The following CACNA1C variants were observed in gnomAD, a reference collection of about 807,000 sequenced individuals.
The protein encoded by CACNA1C is voltage-dependent L-type calcium channel subunit alpha-1C.
A neutral mutation model predicts 229.0 loss-of-function variants in CACNA1C; 30 were observed. That is an observed-to-expected ratio of 0.13 (90% confidence interval 0.10 to 0.18). The LOEUF (loss-of-function observed/expected upper bound fraction) is 0.18. Ranked by LOEUF, CACNA1C falls within the 10% of genes least tolerant of loss-of-function variation. The pLI is 1.00. For missense variants in CACNA1C, 1,658 were observed against 2,845.0 expected (o/e 0.58, Z 9.49); for synonymous variants, 1,114 against 1,132.5 (o/e 0.98, Z 0.33).
At chr12:2,298,548 C>T (rs967883590) in intron 3 of CACNA1C, among the ~76,000 whole-genome samples, 12 of 152,124 alleles carry the variant, frequency 7.9e-5, no homozygotes, top group African/African-American at 1.9e-4. Flanking sequence ...CTGCCCGCCT[C>T]GGCCTCCCAG....
At chr12:2,068,946 C>CA (rs1228943057) in intron 1 of CACNA1C, among the ~76,000 whole-genome samples, 2 of 152,242 alleles carry the variant, frequency 1.3e-5, no homozygotes, top group Admixed American at 6.5e-5. Context: ...GGAATGAACT[C>CA]AGAGTCCAGA....
At chr12:2,350,680 C>T (rs1339678539) in intron 3 of CACNA1C, among the ~76,000 whole-genome samples, 1 of 152,244 alleles carries the variant, frequency 6.6e-6, no homozygotes, top group Non-Finnish European at 1.5e-5. Flanking sequence ...CAGAGGCTGT[C>T]TTCAGGCTCG....
intron 3 of CACNA1C, among the ~76,000 whole-genome samples, chr12:2,359,827 G>A (rs2097505401): frequency 6.6e-6 from 1 of 152,096 alleles, no homozygotes; most frequent in Non-Finnish European, 1.5e-5. Context: ...CTTAAAGTGG[G>A]AGGTAGGGGA....
Position 2,486,432 on chromosome 12 carries a change from T to A in CACNA1C, c.916+170T>A, listed in dbSNP as rs887367598. On this transcript the variant is annotated intron_variant, in intron 6 of 46. Coordinates refer to ENST00000399655, the MANE Select transcript of CACNA1C (RefSeq NM_000719.7). This position sits in a 1 kb window ranked among gnomAD's most constrained non-coding sequence, Gnocchi z 4.9. ...GAGGCAGAGACCCGTATCCTTTTTTTCTCAGTTCCAATTTTTGTTTTAATC... is the reference window on the plus strand; with the variant it reads ...GAGGCAGAGACCCGTATCCTTTTTTACTCAGTTCCAATTTTTGTTTTAATC... Among the ~76,000 whole-genome samples the A allele has an allele frequency of 6.6e-6, 1 of 152,218 alleles. No individual in the cohort carries two copies. Among genetic ancestry groups the A allele is most frequent in the Non-Finnish European group, 1.5e-5 (1 of 68,042 alleles).
intron 7 of CACNA1C, among the ~76,000 whole-genome samples, chr12:2,496,345 G>C (rs2099746803): frequency 6.6e-6 from 1 of 152,198 alleles, no homozygotes. Flanking sequence ...CAGGCACAAG[G>C]GCAAGTCTAA....
chr12:2,305,538 C>T (rs1238196441), intron 3 of CACNA1C, among the ~76,000 whole-genome samples: 1 of 152,176 alleles, frequency 6.6e-6, no homozygotes, highest in African/African-American at 2.4e-5. Flanking sequence ...ATTTCTTCCC[C>T]ACCCCTCAAA....
chr12:2,688,070 G>T (rs1221078844), intron 45 of CACNA1C, among the ~76,000 whole-genome samples: 1 of 152,190 alleles, frequency 6.6e-6, no homozygotes, highest in Non-Finnish European at 1.5e-5. Context: ...TCGTTTTCTG[G>T]CTTTACAGAC....
At chr12:2,182,837 G>A (rs1057435313) in intron 3 of CACNA1C, among the ~76,000 whole-genome samples, 5 of 152,104 alleles carry the variant, frequency 3.3e-5, no homozygotes, top group South Asian at 2.1e-4. Flanking sequence ...GAAGGGGCGC[G>A]TGTGCAGACA....
intron 3 of CACNA1C, among the ~76,000 whole-genome samples, chr12:2,381,990 C>A (rs1194177940): frequency 6.6e-6 from 1 of 152,218 alleles, no homozygotes; most frequent in African/African-American, 2.4e-5. Context: ...GTGCTGCCTC[C>A]AGCCTGGGGC....
At chr12:2,101,291 C>A (rs944955768) in intron 1 of CACNA1C, among the ~76,000 whole-genome samples, 8 of 152,138 alleles carry the variant, frequency 5.3e-5, no homozygotes, top group African/African-American at 1.9e-4. Context: ...TGGATTAGTT[C>A]TCTCAGGGTA....
chr12:2,577,268 C>T (rs1259741155), intron 13 of CACNA1C, among the ~76,000 whole-genome samples: 3 of 152,224 alleles, frequency 2.0e-5, no homozygotes. Context: ...AGGTGTTTTT[C>T]ATGTAGACAG....
At position 2,691,810 on chromosome 12, in the gene CACNA1C, G is replaced by A. The variant is rs1041174821; in HGVS notation, c.*611G>A. On this transcript the variant is annotated 3_prime_UTR_variant, in exon 47 of 47. Coordinates refer to ENST00000399655, the MANE Select transcript of CACNA1C (RefSeq NM_000719.7). ...CCGGCACGGGCCACGCCGAGCTCCCGGCCAGCCGCCGGCCCGCAGGCAGCG... is the reference window on the plus strand; with the variant it reads ...CCGGCACGGGCCACGCCGAGCTCCCAGCCAGCCGCCGGCCCGCAGGCAGCG... 6.6e-6 allele frequency: 1 copy of A among 152,270 alleles called. No homozygotes were observed. Among genetic ancestry groups the A allele is most frequent in the African/African-American group, 2.4e-5 (1 of 41,452 alleles). The allele number at this position is 152,270 out of a possible 1,614,324, so 9.4% of individuals were successfully genotyped here.
intron 10 of CACNA1C, among the ~76,000 whole-genome samples, chr12:2,551,768 T>A (rs1301218090): frequency 1.3e-5 from 2 of 152,134 alleles, no homozygotes; most frequent in Non-Finnish European, 2.9e-5. Context: ...AGGAAGGAAC[T>A]ACGGCATGTT....
At chr12:2,115,145 A>G in intron 1 of CACNA1C, 79 bp from the exon 2 acceptor site, 1 of 1,154,980 alleles carries the variant, frequency 8.7e-7, no homozygotes, top group African/African-American at 1.6e-5. Context: ...AAAAATTGTG[A>G]ATCTGGGGTC....
chr12:2,228,757 A>C (rs763296577), intron 3 of CACNA1C, among the ~76,000 whole-genome samples: 1 of 152,150 alleles, frequency 6.6e-6, no homozygotes, highest in Non-Finnish European at 1.5e-5. Flanking sequence ...CCTGGCATGA[A>C]CAGTGCCCCA....
chr12:2,627,265 C>T lies in CACNA1C; in HGVS notation c.3829-7032C>T, dbSNP rs1378398304. On this transcript the variant is annotated intron_variant, in intron 29 of 46. Coordinates refer to ENST00000399655, the MANE Select transcript of CACNA1C (RefSeq NM_000719.7). Reference sequence around the variant, plus strand: ...CTGGCAGCTGTGTGCTCCAGTTATGCCTTCTCCATTAGGTGCCACTAATTT... The same window carrying T: ...CTGGCAGCTGTGTGCTCCAGTTATGTCTTCTCCATTAGGTGCCACTAATTT... Among the ~76,000 whole-genome samples the T allele has an allele frequency of 3.3e-5, 5 of 152,334 alleles. No homozygotes were observed. The East Asian group carries it at 7.7e-4, about 23-fold the overall frequency.
At chr12:2,489,175 A>G (rs1597852065) in intron 6 of CACNA1C, among the ~76,000 whole-genome samples, 2 of 152,080 alleles carry the variant, frequency 1.3e-5, no homozygotes, top group Non-Finnish European at 2.9e-5. Context: ...GCAAATTTAG[A>G]TTACACAAAA....
rs2059793987 is a variant in CACNA1C at position 2,215,688 on chromosome 12, A to G, written c.477+95258A>G. On this transcript the variant is annotated intron_variant, in intron 3 of 46. Coordinates refer to ENST00000399655, the MANE Select transcript of CACNA1C (RefSeq NM_000719.7). This position sits in a 1 kb window ranked among gnomAD's most constrained non-coding sequence, Gnocchi z 5.0. ...GGTAGGCCTGGCAGAGGGAAGGACC[A>G]TGTTCTCTCCCAAACAGGCCAGTCC... is the stretch of plus-strand genomic sequence containing the variant. Among the ~76,000 whole-genome samples, 1 of 152,200 alleles carries G rather than the reference A, an allele frequency of 6.6e-6. No homozygotes were observed. Among genetic ancestry groups the G allele is most frequent in the South Asian group, 2.1e-4 (1 of 4,826 alleles).
chr12:2,266,818 C>A (rs1453047808), intron 3 of CACNA1C, among the ~76,000 whole-genome samples: 1 of 152,076 alleles, frequency 6.6e-6, no homozygotes, highest in African/African-American at 2.4e-5. Flanking sequence ...GCTGGGCAGG[C>A]CTGGGTGTGA....
Sources: allele counts gnomAD v4.1 joint callset (sites outside exome capture counted in the v4.1 genomes callset), GRCh38; gene constraint gnomAD v4.1.1; non-coding constraint Gnocchi (gnomAD v3.1); transcripts MANE v1.5; gene names NCBI Gene and HGNC (gene_info 2026-07-23, HGNC 2026-07-21).